The following NTRK1 variants were observed in gnomAD, a reference collection of about 807,000 sequenced individuals.
NTRK1 encodes neurotrophic receptor tyrosine kinase 1, also known as high affinity nerve growth factor receptor.
NTRK1 carries 62 observed loss-of-function variants against 86.8 expected under a neutral mutation model. The ratio of observed to expected loss-of-function variants is 0.71; its 90% CI spans 0.58 to 0.88. The LOEUF (loss-of-function observed/expected upper bound fraction) is 0.88. Among genes scored for constraint, NTRK1 ranks in the 40% least tolerant of loss-of-function variants. The pLI is 0.00. For synonymous variants in NTRK1, 469 were observed against 456.6 expected, an observed-to-expected ratio of 1.03 and a Z score of -0.35; for missense variants, 967 against 1,078.4, an observed-to-expected ratio of 0.90 and a Z score of 1.45.
At position 156,874,752 on chromosome 1, in the gene NTRK1, C is replaced by T. The variant is rs2102911082; in HGVS notation, c.1251+126C>T. 5 of 1,220,990 alleles carry T rather than the reference C, an allele frequency of 4.1e-6. No individual in the cohort carries two copies. The South Asian group carries it at 6.3e-5, about 15-fold the overall frequency. 75.6% of individuals were successfully genotyped at this position (1,220,990 alleles called of 1,614,324 possible). ...ATCTGGCCTGAGCTCTGACGGCCAC[C>T]CGCACAGCCACTGCAGGGGTCCCCA... is the stretch of plus-strand genomic sequence containing the variant. On this transcript the variant is annotated intron_variant, in intron 10 of 16. Coordinates refer to ENST00000524377, the MANE Select transcript of NTRK1 (RefSeq NM_002529.4).
At chr1:156,816,994 T>G (rs771998198) in intron 1 of NTRK1, 31 of 319,866 alleles carry the variant, frequency 9.7e-5, no homozygotes, top group Admixed American at 1.5e-4. Context: ...CTGCCTGACC[T>G]TCATCCCTCC....
intron 1 of NTRK1, among the ~76,000 whole-genome samples, chr1:156,835,677 C>T (rs1374360970): frequency 6.6e-6 from 1 of 152,178 alleles, no homozygotes; most frequent in African/African-American, 2.4e-5. Flanking sequence ...GGCCATCTTT[C>T]CATGTCACTA....
upstream of NTRK1, among the ~76,000 whole-genome samples, chr1:156,859,367 C>G (rs1655526919): frequency 6.6e-6 from 1 of 152,184 alleles, no homozygotes; most frequent in African/African-American, 2.4e-5. This position sits in a 1 kb window ranked among gnomAD's most constrained non-coding sequence, Gnocchi z 6.2. Flanking sequence ...TTGTCCCCAC[C>G]ACAGGCTTCT....
intron 14 of NTRK1, among the ~76,000 whole-genome samples, chr1:156,878,340 C>G (rs1447557942): frequency 6.6e-6 from 1 of 152,200 alleles, no homozygotes; most frequent in African/African-American, 2.4e-5. Flanking sequence ...CTCTAGGAAG[C>G]CTTCCCTGGC....
At chr1:156,841,033 C>A (rs762252294) in intron 1 of NTRK1, 1 of 1,601,546 alleles carries the variant, frequency 6.2e-7, no homozygotes, top group African/African-American at 1.3e-5. Flanking sequence ...CTCCTGTATG[C>A]TGTCCAGAAT....
chr1:156,838,825 A>G (rs1461030022), intron 1 of NTRK1, among the ~76,000 whole-genome samples: 1 of 152,180 alleles, frequency 6.6e-6, no homozygotes, highest in East Asian at 1.9e-4. Flanking sequence ...GACAATCGGC[A>G]CTGTGAGGGT....
In NTRK1 at chr1:156,872,832, C is replaced by T. The variant is rs980800707; in HGVS notation, c.851-801C>T. Among the ~76,000 whole-genome samples, 6 of 152,014 alleles carry T rather than the reference C, an allele frequency of 3.9e-5. No homozygotes were observed. In the Middle Eastern group the frequency reaches 0.01, roughly 259 times the overall value. On this transcript the variant is annotated intron_variant, in intron 7 of 16. Transcript: ENST00000524377. Reference sequence around the variant, plus strand: ...CTGGGACTACAGGCGCCCTCCACCACGCCCAGCTAATTTTTTGTATTTTTT... The same window carrying T: ...CTGGGACTACAGGCGCCCTCCACCATGCCCAGCTAATTTTTTGTATTTTTT...
intron 6 of NTRK1, 78 bp from the exon 7 acceptor site, chr1:156,871,545 G>A: frequency 2.0e-6 from 3 of 1,537,168 alleles, no homozygotes; most frequent in Non-Finnish European, 2.7e-6. Context: ...GGAGCCAGAG[G>A]GGCTCTCCAA....
In NTRK1 at chr1:156,874,625, G is replaced by A. The variant is rs1217169844; in HGVS notation, c.1250G>A (p.Gly417Glu). The change falls in exon 10 of 17, where the codon GGG becomes GAG. Residue 417 changes from glycine (G) to glutamate (E), a missense_variant and splice_region_variant. Around this residue, in one of 2 missense-constraint regions of NTRK1, gnomAD observed 637 missense variants for 776.5 expected, o/e 0.82. Transcript: ENST00000524377. ...PVEKKDETPF[G>E]VSVAVGLAVF... is the part of the protein sequence containing the mutation. Reference sequence around the variant, plus strand: ...GAGAAGAAGGACGAAACACCTTTTGGGGTGAGATAGGAAGTAGAAGCTTGT... The same window carrying A: ...GAGAAGAAGGACGAAACACCTTTTGAGGTGAGATAGGAAGTAGAAGCTTGT... The A allele has an allele frequency of 6.2e-7, 1 of 1,613,132 alleles. No individual in the cohort carries two copies. Among genetic ancestry groups the A allele is most frequent in the East Asian group, 2.2e-5 (1 of 44,852 alleles).
At chr1:156,821,397 G>A (rs1654184877) in intron 1 of NTRK1, among the ~76,000 whole-genome samples, 1 of 152,050 alleles carries the variant, frequency 6.6e-6, no homozygotes, top group Admixed American at 6.6e-5. Flanking sequence ...CTTGTAGTGA[G>A]TTAGTGGTGT....
intron 12 of NTRK1, 130 bp from the exon 13 acceptor site, chr1:156,875,950 A>T (rs538375480): frequency 7.0e-7 from 1 of 1,425,328 alleles, no homozygotes; most frequent in African/African-American, 1.4e-5. Flanking sequence ...GTGCAGGTTG[A>T]ATTTTAGCCC....
At chr1:156,833,936 C>T (rs751454023) in intron 1 of NTRK1, among the ~76,000 whole-genome samples, 3 of 152,242 alleles carry the variant, frequency 2.0e-5, no homozygotes, top group Non-Finnish European at 4.4e-5. Flanking sequence ...ACAACCTCAA[C>T]TCGCCTCTTT....
intron 2 of NTRK1, chr1:156,845,616 C>T (rs1190929448): frequency 6.2e-7 from 1 of 1,601,462 alleles, no homozygotes. Context: ...GCGCTCTTCG[C>T]ACATGGGGAT....
At chr1:156,868,741 C>A (rs1405066536) in intron 6 of NTRK1, 94 bp downstream of exon 6, 1 of 1,505,738 alleles carries the variant, frequency 6.6e-7, no homozygotes. Context: ...AGGAAAGAGA[C>A]AACGAATAAG....
chr1:156,854,540 C>T lies in NTRK1; in HGVS notation c.51-9814C>T, dbSNP rs752582008. 1.3e-5 allele frequency among the ~76,000 whole-genome samples: 2 copies of T among 152,182 alleles called. No homozygotes were observed. Among genetic ancestry groups the T allele is most frequent in the African/African-American group, 2.4e-5 (1 of 41,446 alleles). On this transcript the variant is annotated intron_variant, in intron 2 of 16. Coordinates refer to the NTRK1 transcript ENST00000392302. The surrounding 1 kb of genome is among the most constrained non-coding windows in gnomAD (Gnocchi z 4.2). ...TGAACTCCTGATCCTCTCTCCCAAG[C>T]CCATCTCCCCTTCTTGGTTAATAGC...
chr1:156,877,044 G>A (rs940223506), intron 14 of NTRK1, among the ~76,000 whole-genome samples: 1 of 152,014 alleles, frequency 6.6e-6, no homozygotes. Context: ...TAGAGTTGGG[G>A]TCTTGCTCTG....
intron 1 of NTRK1, chr1:156,816,236 G>T (rs1653917928): frequency 1.5e-6 from 2 of 1,376,284 alleles, no homozygotes; most frequent in African/African-American, 1.5e-5. Flanking sequence ...GGCAGCAGGG[G>T]AGTTTCTCAG....
chr1:156,852,040 C>G, intron 2 of NTRK1: 1 of 1,613,400 alleles, frequency 6.2e-7, no homozygotes, highest in African/African-American at 1.3e-5. Context: ...AGGTGCCTGG[C>G]GGGCAGGCCC....
At chr1:156,844,101 A>G in intron 2 of NTRK1, 1 of 1,072,712 alleles carries the variant, frequency 9.3e-7, no homozygotes, top group Non-Finnish European at 1.4e-6. Context: ...TGTCTCATCT[A>G]CCTCCCTTTG....
Sources: gnomAD v4.1 joint callset for allele counts (sites outside exome capture counted in the v4.1 genomes callset) on GRCh38, gnomAD v4.1.1 for gene constraint, gnomAD v4.1.1 regional missense constraint, Gnocchi (gnomAD v3.1) non-coding constraint, MANE v1.5 for transcripts, NCBI Gene and HGNC (gene_info 2026-07-23, HGNC 2026-07-21) for gene names.